Variants in CCL24 observed in about 807,000 individuals in gnomAD.
The protein encoded by CCL24 is C-C motif chemokine 24.
A neutral mutation model predicts 8.6 loss-of-function variants in CCL24; 6 were observed. The ratio of observed to expected loss-of-function variants is 0.70; its 90% CI spans 0.38 to 1.38. CCL24 has a LOEUF of 1.38. Among genes scored for constraint, CCL24 ranks in the 40% most tolerant of loss-of-function variants. The pLI, the probability that CCL24 is intolerant of heterozygous loss-of-function variation, is 0.02. For missense variants in CCL24, 126 were observed against 147.1 expected (o/e 0.86, Z 0.74); for synonymous variants, 59 against 52.7 (o/e 1.12, Z -0.52).
At chr7:75,816,741 T>C (rs1554534197), upstream of CCL24, among the ~76,000 whole-genome samples, 1 of 151,454 alleles carries the variant, frequency 6.6e-6, no homozygotes, top group East Asian at 1.9e-4. Flanking sequence ...GTTGTATTTT[T>C]AGTAGAGACG....
upstream of CCL24, among the ~76,000 whole-genome samples, chr7:75,817,798 G>A (rs1554534365): frequency 7.1e-6 from 1 of 140,784 alleles, no homozygotes; most frequent in Non-Finnish European, 1.6e-5. Flanking sequence ...CCACCGCACT[G>A]GGCCAAAACA....
chr7:75,821,843 G>A (rs1804055792), intron 1 of CCL24, among the ~76,000 whole-genome samples: 1 of 151,304 alleles, frequency 6.6e-6, no homozygotes, highest in Non-Finnish European at 1.5e-5. Flanking sequence ...CAGGAGAATG[G>A]CGTGAACCCG....
In CCL24 at chr7:75,811,385, A is replaced by G. The variant is rs1322184248; in HGVS notation, c.*411T>C. ...TCCCAGGTACTCGGGAGGCTGAGGCACGAGAATCACTTGAACCCAGGAGGC... is the reference window on the plus strand; with the variant it reads ...TCCCAGGTACTCGGGAGGCTGAGGCGCGAGAATCACTTGAACCCAGGAGGC... On this transcript the variant is annotated 3_prime_UTR_variant, in exon 3 of 3. Transcript: ENST00000222902. Among the ~76,000 whole-genome samples the G allele has an allele frequency of 6.6e-6, 1 of 151,980 alleles. No individual in the cohort carries two copies. The highest frequency in any genetic ancestry group is 1.5e-5 in the Non-Finnish European group (1 of 67,976).
At position 75,811,213 on chromosome 7, in the gene CCL24, T is replaced by C. The variant is rs1400389021; in HGVS notation, c.*583A>G. ...GTTTGAGTAGGCTGGGTGTGGTGGC[T>C]CATGCCTGTAATCCCAGCACTTTGG... On this transcript the variant is annotated 3_prime_UTR_variant, in exon 3 of 3. Transcript: ENST00000222902. Among the ~76,000 whole-genome samples the C allele has an allele frequency of 2.0e-5, 3 of 151,598 alleles. No individual in the cohort carries two copies. Among genetic ancestry groups the C allele is most frequent in the Non-Finnish European group, 2.9e-5 (2 of 67,858 alleles).
chr7:75,814,570 A>G (rs1803846530), upstream of CCL24, among the ~76,000 whole-genome samples: 1 of 151,830 alleles, frequency 6.6e-6, no homozygotes, highest in African/African-American at 2.4e-5. Context: ...CTGTCTTAAA[A>G]TCAATCAATC....
chr7:75,819,058 C>T (rs1027721176), intron 1 of CCL24, among the ~76,000 whole-genome samples: 10 of 149,200 alleles, frequency 6.7e-5, no homozygotes, highest in East Asian at 2.0e-4. Context: ...CACCTGAGGT[C>T]GGGAGTTTGG....
upstream of CCL24, among the ~76,000 whole-genome samples, chr7:75,818,681 A>G (rs1414935554): frequency 7.0e-6 from 1 of 142,798 alleles, no homozygotes; most frequent in Non-Finnish European, 1.5e-5. Flanking sequence ...AGGGGCAGAA[A>G]CAGCATGTGT....
rs1057099239 is a variant in CCL24 at position 75,811,693 on chromosome 7, C to T, written c.*103G>A. ...ATCCCTGGAGAGTGTTGCTAAGAAA[C>T]AGGAAAATTAGCTCTTCCCCCCATC... On this transcript the variant is annotated 3_prime_UTR_variant, in exon 3 of 3. Coordinates refer to ENST00000222902, the MANE Select transcript of CCL24 (RefSeq NM_002991.3). The T allele has an allele frequency of 6.7e-6, 7 of 1,040,442 alleles. No individual in the cohort carries two copies. Among genetic ancestry groups the T allele is most frequent in the South Asian group, 1.6e-5 (1 of 61,388 alleles). 64.5% of individuals were successfully genotyped at this position (1,040,442 alleles called of 1,614,324 possible).
intron 1 of CCL24, among the ~76,000 whole-genome samples, chr7:75,819,945 C>T (rs1243917189): frequency 6.6e-6 from 1 of 151,698 alleles, no homozygotes; most frequent in African/African-American, 2.4e-5. Flanking sequence ...GAGGATGAGG[C>T]CACTTTTTAC....
chr7:75,813,809 C>T (rs1469938225), upstream of CCL24: 3 of 930,348 alleles, frequency 3.2e-6, no homozygotes, highest in East Asian at 5.0e-5. Context: ...TGCAGAGTAC[C>T]CCAAACTCCC....
chr7:75,813,771 G>C lies in CCL24; in HGVS notation c.-56C>G. ...CTCAAAGCTGACGTGCAGGAGGAAA[G>C]GACCTAGGGATAAATAGCTCGGGTC... On this transcript the variant is annotated 5_prime_UTR_variant, in exon 1 of 3. Transcript: ENST00000222902. 1 of 1,421,450 alleles carries C rather than the reference G, an allele frequency of 7.0e-7. No individual in the cohort carries two copies. The highest frequency in any genetic ancestry group is 9.9e-7 in the Non-Finnish European group (1 of 1,005,360). 88.1% of individuals were successfully genotyped at this position (1,421,450 alleles called of 1,614,324 possible). A position where few individuals can be genotyped will look rare whatever the true frequency, so the allele number is the denominator to read the frequency against.
intron 1 of CCL24, among the ~76,000 whole-genome samples, chr7:75,820,090 T>TTCTTCTTCTTC (rs1804004877): frequency 7.9e-6 from 1 of 127,302 alleles, no homozygotes; most frequent in African/African-American, 2.9e-5. Flanking sequence ...TTCTTCTTCC[T>TTCTTCTTCTTC]CTTCTTCTTC....
intron 1 of CCL24, among the ~76,000 whole-genome samples, chr7:75,821,876 C>T (rs1287684451): frequency 4.3e-4 from 64 of 148,706 alleles, no homozygotes; most frequent in African/African-American, 1.4e-3. Flanking sequence ...TGCAGTGAGC[C>T]GAGATCCCGC....
In CCL24 at chr7:75,811,680, T is replaced by A; in HGVS notation, c.*116A>T. ...ATAGAAGAGACACATCCCTGGAGAGTGTTGCTAAGAAACAGGAAAATTAGC... is the reference window on the plus strand; with the variant it reads ...ATAGAAGAGACACATCCCTGGAGAGAGTTGCTAAGAAACAGGAAAATTAGC... On this transcript the variant is annotated 3_prime_UTR_variant, in exon 3 of 3. Coordinates refer to ENST00000222902, the MANE Select transcript of CCL24 (RefSeq NM_002991.3). 1 of 872,534 alleles carries A rather than the reference T, an allele frequency of 1.1e-6. No individual in the cohort carries two copies. The highest frequency in any genetic ancestry group is 1.7e-6 in the Non-Finnish European group (1 of 573,990). The allele number at this position is 872,534 out of a possible 1,614,324, so 54.0% of individuals were successfully genotyped here. A position where few individuals can be genotyped will look rare whatever the true frequency, so the allele number is the denominator to read the frequency against.
chr7:75,811,150 A>T lies in CCL24; in HGVS notation c.*646T>A, dbSNP rs1429743349. On this transcript the variant is annotated 3_prime_UTR_variant, in exon 3 of 3. Transcript: ENST00000222902. ...AGTCCTCCACGTTCATTTCCTTTAA[A>T]AAAAAAAAAATTATGATTTTTTTTT... Among the ~76,000 whole-genome samples the T allele has an allele frequency of 7.2e-6, 1 of 138,234 alleles. No homozygotes were observed. Among genetic ancestry groups the T allele is most frequent in the Non-Finnish European group, 1.6e-5 (1 of 61,016 alleles). The allele number at this position is 138,234 out of a possible 152,430, so 90.7% of individuals were successfully genotyped here. A position where few individuals can be genotyped will look rare whatever the true frequency, so the allele number is the denominator to read the frequency against.
Position 75,811,891 on chromosome 7 carries a change from G to T in CCL24, c.265C>A (p.Leu89Met). Reference sequence around the variant, plus strand: ...GAAGCCTTCTTCTGCTTGGCGTCCAGGTTCTTCATGTACCTCTGGACCCAC... The same window carrying T: ...GAAGCCTTCTTCTGCTTGGCGTCCATGTTCTTCATGTACCTCTGGACCCAC... The part of the protein sequence containing the change: ...QEWVQRYMKN[L>M]DAKQKKASPR... The change falls in exon 3 of 3, where the codon CTG becomes ATG. Residue 89 changes from leucine (L) to methionine (M), a missense_variant. By Grantham distance (15) the Leu-to-Met change is conservative. Coordinates refer to ENST00000222902, the MANE Select transcript of CCL24 (RefSeq NM_002991.3). 6.2e-7 allele frequency: 1 copy of T among 1,611,556 alleles called. No homozygotes were observed. Among genetic ancestry groups the T allele is most frequent in the Non-Finnish European group, 8.5e-7 (1 of 1,179,636 alleles).
chr7:75,812,922 T>C (rs1434067092), intron 2 of CCL24, among the ~76,000 whole-genome samples: 1 of 143,690 alleles, frequency 7.0e-6, no homozygotes, highest in East Asian at 2.1e-4. Flanking sequence ...AGAGACTCTG[T>C]CTCAGGGGAA....
chr7:75,813,623 C>A lies in CCL24; in HGVS notation c.73+20G>T, dbSNP rs782054898. Reference sequence around the variant, plus strand: ...CATCCCAGCCATGCCCTTGGAACTGCATCCTGTCGGAGGTCTTACCCGTAG... The same window carrying A: ...CATCCCAGCCATGCCCTTGGAACTGAATCCTGTCGGAGGTCTTACCCGTAG... On this transcript the variant is annotated intron_variant, in intron 1 of 2. Transcript: ENST00000222902. 2.4e-5 allele frequency: 39 copies of A among 1,603,842 alleles called. No homozygotes were observed. The highest frequency in any genetic ancestry group is 3.2e-5 in the Non-Finnish European group (38 of 1,170,772).
intron 1 of CCL24, among the ~76,000 whole-genome samples, chr7:75,821,858 G>A (rs1252679168): frequency 1.3e-5 from 2 of 151,018 alleles, no homozygotes; most frequent in East Asian, 3.9e-4. Flanking sequence ...AACCCGGGAG[G>A]CGGAGCTTGC....
Sources: gnomAD v4.1 joint callset for allele counts (sites outside exome capture counted in the v4.1 genomes callset) on GRCh38, gnomAD v4.1.1 for gene constraint, MANE v1.5 for transcripts, NCBI Gene and HGNC (gene_info 2026-07-23, HGNC 2026-07-21) for gene names.